Variants in MAPK10 observed in about 807,000 individuals in gnomAD.
MAPK10 encodes mitogen-activated protein kinase 10.
A neutral mutation model predicts 59.3 loss-of-function variants in MAPK10; 25 were observed. The observed-to-expected ratio is 0.42, with a 90% CI of 0.31 to 0.59. The LOEUF (loss-of-function observed/expected upper bound fraction) is 0.59, where lower values mean the gene tolerates loss of function less well. Among genes scored for constraint, MAPK10 ranks in the 20% least tolerant of loss-of-function variants. The probability of loss-of-function intolerance (pLI) is 0.15; values close to 1 mark genes in which losing one functional copy is unlikely to be tolerated. For missense variants in MAPK10, 351 were observed against 568.9 expected (o/e 0.62, Z 3.90); for synonymous variants, 190 against 200.5 (o/e 0.95, Z 0.44).
intron 2 of MAPK10, among the ~76,000 whole-genome samples, chr4:86,199,940 T>C (rs1384286373): frequency 5.9e-5 from 9 of 152,048 alleles, no homozygotes; most frequent in Non-Finnish European, 1.0e-4. Flanking sequence ...ACCATTAAAC[T>C]ACTGAATTAA....
intron 2 of MAPK10, among the ~76,000 whole-genome samples, chr4:86,265,667 G>T (rs2094204277): frequency 8.0e-6 from 1 of 125,112 alleles, no homozygotes; most frequent in Non-Finnish European, 1.6e-5. Context: ...TTTGTTTCGG[G>T]CAGTAAGAGA....
intron 1 of MAPK10, among the ~76,000 whole-genome samples, chr4:86,502,193 A>G (rs1411502011): frequency 6.6e-6 from 1 of 151,936 alleles, no homozygotes; most frequent in Non-Finnish European, 1.5e-5. Flanking sequence ...GTTGTGACTC[A>G]TACATTTACA....
chr4:86,156,471 C>T (rs978695102), intron 4 of MAPK10, among the ~76,000 whole-genome samples: 1 of 151,944 alleles, frequency 6.6e-6, no homozygotes, highest in African/African-American at 2.4e-5. Flanking sequence ...GTGTGTAACA[C>T]CACCAAGACA....
intron 1 of MAPK10, among the ~76,000 whole-genome samples, chr4:86,547,417 G>A (rs930399149): frequency 1.3e-5 from 2 of 152,230 alleles, no homozygotes; most frequent in African/African-American, 2.4e-5. Flanking sequence ...CACCGCCCGG[G>A]GCAGTGAGGG....
chr4:86,155,846 C>A (rs1344492131), intron 4 of MAPK10, among the ~76,000 whole-genome samples: 3 of 151,754 alleles, frequency 2.0e-5, no homozygotes, highest in South Asian at 4.2e-4. Flanking sequence ...ATTTTGGAGC[C>A]GTTATTAATT....
intron 11 of MAPK10, among the ~76,000 whole-genome samples, chr4:86,041,243 A>G (rs1021849785): frequency 1.3e-5 from 2 of 152,232 alleles, no homozygotes; most frequent in Non-Finnish European, 2.9e-5. Flanking sequence ...AAGATTCCCT[A>G]TTTAATAAAT....
intron 4 of MAPK10, among the ~76,000 whole-genome samples, chr4:86,155,231 G>A (rs2067421533): frequency 6.6e-6 from 1 of 151,932 alleles, no homozygotes; most frequent in Non-Finnish European, 1.5e-5. Flanking sequence ...AGTTTCTGCT[G>A]AACATGCCTG....
Position 86,423,760 on chromosome 4 carries a change from G to GATATATAT in MAPK10, c.-122+29262_-122+29269dup, listed in dbSNP as rs772650050. Among the ~76,000 whole-genome samples, 590 of 117,022 alleles carry GATATATAT rather than the reference G, an allele frequency of 5.0e-3. 20 individuals are homozygous for GATATATAT. Among genetic ancestry groups the GATATATAT allele is most frequent in the East Asian group, 0.026 (102 of 3,968 alleles). The allele number at this position is 117,022 out of a possible 152,430, so 76.8% of individuals were successfully genotyped here. A position where few individuals can be genotyped will look rare whatever the true frequency, so the allele number is the denominator to read the frequency against. On this transcript the variant is annotated intron_variant, in intron 1 of 13. Transcript: ENST00000361569. ...AGGGCTGCATATAAGTAATTAGTGG[G>GATATATAT]ATATATATACATATATATATATATA... is the stretch of plus-strand genomic sequence containing the variant.
At chr4:86,185,291 G>A (rs1417437376) in intron 3 of MAPK10, among the ~76,000 whole-genome samples, 1 of 152,130 alleles carries the variant, frequency 6.6e-6, no homozygotes, top group African/African-American at 2.4e-5. Context: ...AGGAAGTTGG[G>A]TATGCAGTCA....
At chr4:86,070,990 C>T (rs1029796551) in intron 9 of MAPK10, among the ~76,000 whole-genome samples, 25 of 151,952 alleles carry the variant, frequency 1.6e-4, no homozygotes, top group South Asian at 4.2e-4. Context: ...ATGGTTGAAC[C>T]AGTTTACAGT....
In MAPK10 at chr4:86,386,016, A is replaced by G. The variant is rs545456960; in HGVS notation, c.-121-31372T>C. 3.3e-5 allele frequency among the ~76,000 whole-genome samples: 5 copies of G among 152,350 alleles called. No individual in the cohort carries two copies. In the East Asian group the frequency reaches 9.6e-4, roughly 29 times the overall value. On this transcript the variant is annotated intron_variant, in intron 1 of 13. Transcript: ENST00000361569. The stretch of plus-strand genomic sequence containing the variant: ...AAATTATTTAAAAGACATGCAATTT[A>G]TCGTCCAAGATCTGCCCCCTGAAAG...
At chr4:86,390,880 T>C (rs1362933907) in intron 1 of MAPK10, among the ~76,000 whole-genome samples, 3 of 152,228 alleles carry the variant, frequency 2.0e-5, no homozygotes, top group Admixed American at 6.5e-5. Context: ...ATCAATCTTC[T>C]GTCCATGTAG....
At chr4:86,565,409 C>T (rs146722969) in intron 1 of MAPK10, among the ~76,000 whole-genome samples, 15 of 152,104 alleles carry the variant, frequency 9.9e-5, no homozygotes, top group Admixed American at 2.6e-4. Context: ...CTTCTTACAC[C>T]GTTGTAGTCT....
chr4:86,228,951 A>C (rs1037098003), intron 2 of MAPK10, among the ~76,000 whole-genome samples: 2 of 152,216 alleles, frequency 1.3e-5, no homozygotes, highest in South Asian at 2.1e-4. Flanking sequence ...ATAGTTCAAA[A>C]CATAGCAACA....
intron 9 of MAPK10, among the ~76,000 whole-genome samples, chr4:86,070,492 TAACTCGTCATCTA>T (rs2047663586): frequency 6.6e-6 from 1 of 151,128 alleles, no homozygotes; most frequent in African/African-American, 2.4e-5. Context: ...CTGCACCCAC[TAACTCGTCATCTA>T]GCATTAGGTA....
chr4:86,180,780 T>C (rs2076762951), intron 3 of MAPK10, among the ~76,000 whole-genome samples: 1 of 151,984 alleles, frequency 6.6e-6, no homozygotes, highest in African/African-American at 2.4e-5. Context: ...TTCTCATTCA[T>C]ATATGGAAGC....
intron 1 of MAPK10, among the ~76,000 whole-genome samples, chr4:86,544,029 G>C (rs1240363184): frequency 1.3e-5 from 2 of 152,174 alleles, no homozygotes; most frequent in Non-Finnish European, 1.5e-5. Context: ...GAGAAACAGT[G>C]GTTTGTCTCT....
At chr4:86,194,203 C>T in intron 3 of MAPK10, 133 bp downstream of exon 3, 1 of 712,206 alleles carries the variant, frequency 1.4e-6, no homozygotes, top group Admixed American at 2.3e-5. Context: ...GCCGTCTTGC[C>T]AGCTCCTAAT....
At chr4:86,217,529 A>G (rs2088064534) in intron 2 of MAPK10, among the ~76,000 whole-genome samples, 2 of 152,232 alleles carry the variant, frequency 1.3e-5, no homozygotes, top group East Asian at 3.9e-4. Flanking sequence ...CTGGCATACA[A>G]CTCAGCTCCT....
Sources: gnomAD v4.1 joint callset for allele counts (sites outside exome capture counted in the v4.1 genomes callset) on GRCh38, gnomAD v4.1.1 for gene constraint, MANE v1.5 for transcripts, NCBI Gene and HGNC (gene_info 2026-07-23, HGNC 2026-07-21) for gene names.